Variants in ESR2 observed in about 807,000 individuals in gnomAD.
ESR2 encodes estrogen receptor 2.
Under a neutral mutation model 49.6 loss-of-function variants are expected in ESR2, and 36 were observed. The observed-to-expected ratio is 0.73, with a 90% confidence interval of 0.56 to 0.96. ESR2 has a LOEUF of 0.96. Ranked by LOEUF, ESR2 falls within the 40% of genes least tolerant of loss-of-function variation. The pLI, the probability that ESR2 is intolerant of heterozygous loss-of-function variation, is 0.00. For missense variants in ESR2, 714 were observed against 693.0 expected (o/e 1.03, Z -0.34); for synonymous variants, 320 against 266.1 (o/e 1.20, Z -1.97).
chr14:64,255,519 T>C (rs999486484), intron 6 of ESR2, among the ~76,000 whole-genome samples: 3 of 152,154 alleles, frequency 2.0e-5, no homozygotes, highest in African/African-American at 7.2e-5. Flanking sequence ...TTGTCACCCA[T>C]AACAACAGGT....
chr14:64,302,203 T>TA (rs1567790352), intron 1 of ESR2, among the ~76,000 whole-genome samples: 207 of 150,064 alleles, frequency 1.4e-3, no homozygotes, highest in African/African-American at 4.5e-3. Flanking sequence ...TTTATTTATT[T>TA]TTTGAGACAG....
intron 3 of ESR2, among the ~76,000 whole-genome samples, chr14:64,274,884 T>C (rs1388115548): frequency 1.3e-5 from 2 of 152,214 alleles, no homozygotes; most frequent in Non-Finnish European, 2.9e-5. Context: ...GAGTATATGG[T>C]TTAATTTCCA....
At chr14:64,314,281 G>A (rs1044084546) in intron 1 of ESR2, among the ~76,000 whole-genome samples, 1 of 151,044 alleles carries the variant, frequency 6.6e-6, no homozygotes. Context: ...ATAGGTCAAG[G>A]GAAATTTTAA....
chr14:64,238,342 T>C (rs758598816), intron 7 of ESR2, among the ~76,000 whole-genome samples: 4 of 152,052 alleles, frequency 2.6e-5, no homozygotes, highest in Non-Finnish European at 5.9e-5. Context: ...AAATCCATTT[T>C]ACATATGGTG....
At chr14:64,310,286 A>AAAAAAAAAAAAAAAAAAAAAT (rs1555595498) in intron 1 of ESR2, among the ~76,000 whole-genome samples, 5 of 142,466 alleles carry the variant, frequency 3.5e-5, no homozygotes, top group African/African-American at 1.1e-4. Context: ...TCGTCTCAAA[A>AAAAAAAAAAAAAAAAAAAAAT]AATAATAATA....
chr14:64,263,957 TCAA>T (rs1395634567), intron 4 of ESR2, among the ~76,000 whole-genome samples: 1 of 152,060 alleles, frequency 6.6e-6, no homozygotes, highest in Non-Finnish European at 1.5e-5. Context: ...AAAATGGAAA[TCAA>T]CAACAAAAAT....
At chr14:64,305,523 T>C (rs1223306586) in intron 1 of ESR2, among the ~76,000 whole-genome samples, 4 of 151,046 alleles carry the variant, frequency 2.6e-5, no homozygotes, top group African/African-American at 9.7e-5. Context: ...ACAAAAAAAT[T>C]AGGCGGGCGT....
At chr14:64,256,337 C>T (rs927713581) in intron 6 of ESR2, among the ~76,000 whole-genome samples, 10 of 152,218 alleles carry the variant, frequency 6.6e-5, no homozygotes, top group Non-Finnish European at 1.0e-4. Context: ...AACCAAGATA[C>T]AGCATCATGT....
At chr14:64,227,997 C>G, downstream of ESR2, 1 of 1,550,300 alleles carries the variant, frequency 6.5e-7, no homozygotes, top group Non-Finnish European at 8.6e-7. Context: ...AATCGATGCA[C>G]TGGATACCAG....
rs1056249156 is a variant in ESR2, at chr14:64,309,203, C to A, written c.-90-26128G>T. On this transcript the variant is annotated intron_variant, in intron 1 of 8. Transcript: ENST00000358599. ...GAGTCCCTAAAGAACAAAAGGAGAG[C>A]CCCTGTAACTCATACTCATTTACTG... Among the ~76,000 whole-genome samples the A allele has an allele frequency of 4.6e-5, 7 of 152,198 alleles. No homozygotes were observed. The South Asian group carries it at 1.5e-3, about 32-fold the overall frequency.
chr14:64,314,444 G>T (rs939301788), intron 1 of ESR2, among the ~76,000 whole-genome samples: 1 of 148,874 alleles, frequency 6.7e-6, no homozygotes, highest in Non-Finnish European at 1.5e-5. Context: ...CCCACACCAA[G>T]AACCTAGGAA....
chr14:64,259,863 T>G (rs2076175973), intron 5 of ESR2, among the ~76,000 whole-genome samples: 1 of 152,196 alleles, frequency 6.6e-6, no homozygotes, highest in Admixed American at 6.5e-5. Flanking sequence ...TTCAAACTAG[T>G]CATACTGTAC....
In ESR2 at chr14:64,249,513, G is replaced by C. The variant is rs546290724; in HGVS notation, c.1225+33C>G. On this transcript the variant is annotated intron_variant, in intron 7 of 8. Coordinates refer to ENST00000341099, the MANE Select transcript of ESR2 (RefSeq NM_001437.3). ...AGTTGTAGAAACAGCATCTCTCCCCGATAAAACATGGCCCAGCTGTGTGAT... is the reference window on the plus strand; with the variant it reads ...AGTTGTAGAAACAGCATCTCTCCCCCATAAAACATGGCCCAGCTGTGTGAT... 164 of 1,603,376 alleles carry C rather than the reference G, an allele frequency of 1.0e-4. 1 individual carries two copies. In the South Asian group the frequency reaches 1.8e-3, roughly 17 times the overall value.
At chr14:64,248,505 CAAA>C (rs56108535) in intron 7 of ESR2, among the ~76,000 whole-genome samples, 9 of 87,254 alleles carry the variant, frequency 1.0e-4, no homozygotes, top group Admixed American at 1.4e-4. Context: ...GATCCTGTCT[CAAA>C]AAAAAAAAAA....
At chr14:64,282,487 T>C (rs2076694920) in intron 2 of ESR2, 137 bp downstream of exon 2, 1 of 859,176 alleles carries the variant, frequency 1.2e-6, no homozygotes, top group East Asian at 2.5e-5. Flanking sequence ...GGGCATCCTG[T>C]GTTTTGGGTG....
intron 3 of ESR2, among the ~76,000 whole-genome samples, chr14:64,279,459 G>A (rs113988821): frequency 4.6e-5 from 7 of 152,194 alleles, no homozygotes; most frequent in African/African-American, 1.7e-4. Flanking sequence ...CAGAAAACAA[G>A]GGGATTGTGA....
Position 64,257,270 on chromosome 14 carries a change from G to A in ESR2, c.1047C>T (p.Asp349=). ...GAGCAAAGATGAGCTTGCCGGGGTG[G>A]TCAATTGAGCGCCACATCAGCCCCA... ...LMMGLMWRSI[D]HPGKLIFAPD... Residue 349 remains aspartate (D), a synonymous_variant, in exon 6 of 9, where the codon GAC becomes GAT. Transcript: ENST00000341099. The A allele has an allele frequency of 6.2e-7, 1 of 1,614,156 alleles. No homozygotes were observed. Among genetic ancestry groups the A allele is most frequent in the South Asian group, 1.1e-5 (1 of 91,082 alleles).
At chr14:64,258,067 G>T (rs929967254) in intron 5 of ESR2, among the ~76,000 whole-genome samples, 1 of 152,024 alleles carries the variant, frequency 6.6e-6, no homozygotes, top group Non-Finnish European at 1.5e-5. Flanking sequence ...AAATTATCTG[G>T]TCATGGTGGC....
chr14:64,306,516 G>C (rs1385735529), intron 1 of ESR2, among the ~76,000 whole-genome samples: 1 of 152,160 alleles, frequency 6.6e-6, no homozygotes, highest in Non-Finnish European at 1.5e-5. Flanking sequence ...GTTAGATTTT[G>C]TCAAACACTT....
Sources: allele counts gnomAD v4.1 joint callset (sites outside exome capture counted in the v4.1 genomes callset), GRCh38; gene constraint gnomAD v4.1.1; transcripts MANE v1.5; gene names NCBI Gene and HGNC (gene_info 2026-07-23, HGNC 2026-07-21).